MAOB: variants seen among roughly 807,000 people sequenced by gnomAD.
MAOB encodes the protein monoamine oxidase B.
MAOB carries 15 observed loss-of-function variants against 41.9 expected under a neutral mutation model. The observed-to-expected ratio is 0.36, with a 90% CI of 0.24 to 0.55. The LOEUF (loss-of-function observed/expected upper bound fraction) is 0.55. Among genes scored for constraint, MAOB ranks in the 20% least tolerant of loss-of-function variants. The pLI, the probability that MAOB is intolerant of heterozygous loss-of-function variation, is 0.86. For missense variants in MAOB, 345 were observed against 398.7 expected (o/e 0.87, Z 1.15); for synonymous variants, 167 against 144.2 (o/e 1.16, Z -1.13).
chrX:43,795,061 C>T (rs368121870), intron 7 of MAOB, among the ~76,000 whole-genome samples: 1 of 110,933 alleles, frequency 9.0e-6, no homozygotes, highest in East Asian at 2.9e-4. Flanking sequence ...GAATTCAACT[C>T]AATTCTGACA....
intron 3 of MAOB, among the ~76,000 whole-genome samples, chrX:43,825,138 T>C (rs1219720396): frequency 1.8e-5 from 2 of 112,316 alleles, no homozygotes; most frequent in Non-Finnish European, 3.8e-5. Context: ...GGACGGTAAG[T>C]TGGTAGCTTG....
chrX:43,858,709 G>A (rs1187008848), intron 1 of MAOB, among the ~76,000 whole-genome samples: 1 of 110,957 alleles, frequency 9.0e-6, no homozygotes, highest in Non-Finnish European at 1.9e-5. Context: ...AAGGCAGACT[G>A]AGGCAGAGTT....
chrX:43,780,647 C>G (rs2034320537), intron 9 of MAOB, among the ~76,000 whole-genome samples: 1 of 111,964 alleles, frequency 8.9e-6, no homozygotes, highest in African/African-American at 3.2e-5. Flanking sequence ...CCTTGGATAA[C>G]ACTATGGCTG....
chrX:43,802,318 T>C, intron 4 of MAOB, 55 bp from the exon 5 acceptor site: 1 of 809,885 alleles, frequency 1.2e-6, no homozygotes, highest in Non-Finnish European at 1.8e-6. Context: ...TCTCTTTTAT[T>C]TTATTCATTT....
chrX:43,850,316 T>G, intron 1 of MAOB: 7 of 727,195 alleles, frequency 9.6e-6, no homozygotes, highest in Non-Finnish European at 1.1e-5. Flanking sequence ...GGAAAGAATA[T>G]GTTGATAAAA....
intron 1 of MAOB, among the ~76,000 whole-genome samples, chrX:43,857,104 TATATATATATATAGAGAGAGAG>T (rs1345431006): frequency 4.2e-4 from 10 of 24,056 alleles, no homozygotes; most frequent in Middle Eastern, 0.014. Context: ...TATATATATA[TATATATATATATAGAGAGAGAG>T]AGAGAGAGAG....
At chrX:43,805,529 A>AT (rs2034652094) in intron 3 of MAOB, among the ~76,000 whole-genome samples, 1 of 111,050 alleles carries the variant, frequency 9.0e-6, no homozygotes, top group African/African-American at 3.3e-5. Context: ...CTGTTTTCAC[A>AT]TTTTTTAATG....
chrX:43,861,243 C>T lies in MAOB; in HGVS notation c.47-17479G>A, dbSNP rs146577837. Among the ~76,000 whole-genome samples, 636 of 112,483 alleles carry T rather than the reference C, an allele frequency of 5.7e-3. 3 individuals are homozygous for T. Among genetic ancestry groups the T allele is most frequent in the African/African-American group, 0.019 (602 of 30,997 alleles). On this transcript the variant is annotated intron_variant, in intron 1 of 14. Transcript: ENST00000378069. Reference sequence around the variant, plus strand: ...TGTTGCTGGCAGGAAAGAATTCAGACGAGTCAATTAATTCACCTCAGAAGG... The same window carrying T: ...TGTTGCTGGCAGGAAAGAATTCAGATGAGTCAATTAATTCACCTCAGAAGG...
chrX:43,775,051 G>GTT (rs2034235074), intron 12 of MAOB, 124 bp downstream of exon 12: 1 of 734,525 alleles, frequency 1.4e-6, no homozygotes, highest in African/African-American at 2.6e-5. Context: ...AAGGAAATTG[G>GTT]GTTGTTTTTT....
At chrX:43,831,326 A>T (rs2035017333) in intron 3 of MAOB, among the ~76,000 whole-genome samples, 2 of 111,751 alleles carry the variant, frequency 1.8e-5, no homozygotes, top group Non-Finnish European at 3.8e-5. Context: ...ACATTTTTAA[A>T]AATAAAAATG....
chrX:43,770,184 T>C (rs976124345), intron 12 of MAOB, among the ~76,000 whole-genome samples: 1 of 111,372 alleles, frequency 9.0e-6, no homozygotes, highest in Non-Finnish European at 1.9e-5. Flanking sequence ...CTCCTTCCAA[T>C]AGCAGTTGCA....
chrX:43,852,930 G>A (rs1212232008), intron 1 of MAOB, among the ~76,000 whole-genome samples: 1 of 111,427 alleles, frequency 9.0e-6, no homozygotes, highest in Non-Finnish European at 1.9e-5. Context: ...CAAGGAAGAG[G>A]TTAACTACAG....
At chrX:43,822,307 A>T (rs767087948) in intron 3 of MAOB, among the ~76,000 whole-genome samples, 4 of 112,440 alleles carry the variant, frequency 3.6e-5, no homozygotes, top group Admixed American at 1.9e-4. Flanking sequence ...AAATAAATCA[A>T]AGGAGACTTT....
intron 1 of MAOB, among the ~76,000 whole-genome samples, chrX:43,859,673 A>G: frequency 8.9e-6 from 1 of 111,805 alleles, no homozygotes; most frequent in East Asian, 2.8e-4. Context: ...TGCAGTTTTT[A>G]GATTCCATCC....
At chrX:43,827,887 C>T (rs1368888957) in intron 3 of MAOB, among the ~76,000 whole-genome samples, 2 of 111,572 alleles carry the variant, frequency 1.8e-5, no homozygotes, top group African/African-American at 6.5e-5. Context: ...GCTTTTTCTC[C>T]CAGGATTCTA....
chrX:43,776,338 AC>A (rs2034255362), intron 11 of MAOB, among the ~76,000 whole-genome samples: 1 of 112,599 alleles, frequency 8.9e-6, no homozygotes, highest in Non-Finnish European at 1.9e-5. Context: ...AATCATGCAC[AC>A]CCTTCTTAGG....
In MAOB at chrX:43,800,222, C is replaced by A. The variant is rs1008740286; in HGVS notation, c.476+1950G>T. Reference sequence around the variant, plus strand: ...AGGGCTACGATAGAAAATGTCGGGTCCCTGTGATCCCAAAAACATATGATT... The same window carrying A: ...AGGGCTACGATAGAAAATGTCGGGTACCTGTGATCCCAAAAACATATGATT... On this transcript the variant is annotated intron_variant, in intron 5 of 14. Transcript: ENST00000378069. 2.7e-5 allele frequency among the ~76,000 whole-genome samples: 3 copies of A among 110,732 alleles called. No individual in the cohort carries two copies. The Admixed American group carries it at 2.9e-4, about 11-fold the overall frequency.
At chrX:43,815,564 C>T (rs1331067188) in intron 3 of MAOB, among the ~76,000 whole-genome samples, 1 of 111,788 alleles carries the variant, frequency 8.9e-6, no homozygotes, top group African/African-American at 3.3e-5. Flanking sequence ...GGGACAAGGG[C>T]TCCTCTGAAA....
Position 43,857,159 on chromosome X carries a change from AGAG to A in MAOB, c.47-13398_47-13396del, listed in dbSNP as rs1400999648. Among the ~76,000 whole-genome samples the A allele has an allele frequency of 6.8e-4, 40 of 58,535 alleles. 1 individual carries two copies. Among genetic ancestry groups the A allele is most frequent in the African/African-American group, 1.8e-3 (23 of 13,102 alleles). 50.8% of individuals were successfully genotyped at this position (58,535 alleles called of 115,157 possible). A position where few individuals can be genotyped will look rare whatever the true frequency, so the allele number is the denominator to read the frequency against. On this transcript the variant is annotated intron_variant, in intron 1 of 14. Transcript: ENST00000378069. ...GAGAGAGAGAGAGAGAGAGAGAGAG[AGAG>A]AGAAGAAGAGAGAGAGAGAGAGAGA...
Sources: allele counts gnomAD v4.1 joint callset (sites outside exome capture counted in the v4.1 genomes callset), GRCh38; gene constraint gnomAD v4.1.1; transcripts MANE v1.5; gene names NCBI Gene and HGNC (gene_info 2026-07-23, HGNC 2026-07-21).